Variants in POLA1 observed in about 807,000 individuals in gnomAD.
The protein encoded by POLA1 is DNA polymerase alpha 1, catalytic subunit.
A neutral mutation model predicts 124.0 loss-of-function variants in POLA1; 15 were observed. The ratio of observed to expected loss-of-function variants is 0.12; its 90% CI spans 0.08 to 0.19. POLA1 has a LOEUF of 0.19. Among genes scored for constraint, POLA1 ranks in the 10% least tolerant of loss-of-function variants. The pLI, the probability that POLA1 is intolerant of heterozygous loss-of-function variation, is 1.00. For missense variants in POLA1, 886 were observed against 1,103.4 expected (o/e 0.80, Z 2.79); for synonymous variants, 408 against 389.4 (o/e 1.05, Z -0.56).
intron 26 of POLA1, among the ~76,000 whole-genome samples, chrX:24,797,406 A>G (rs1295404232): frequency 2.7e-5 from 3 of 110,689 alleles, no homozygotes; most frequent in Non-Finnish European, 3.8e-5. Flanking sequence ...GTTATTCCCT[A>G]TACTCACCTT....
chrX:24,878,067 A>T (rs775190392), intron 34 of POLA1, among the ~76,000 whole-genome samples: 1 of 110,869 alleles, frequency 9.0e-6, no homozygotes, highest in East Asian at 2.8e-4. Flanking sequence ...ACTCAGCCAG[A>T]TCTCTTGTCT....
intron 32 of POLA1, among the ~76,000 whole-genome samples, chrX:24,830,491 T>C (rs2046246188): frequency 8.9e-6 from 1 of 112,500 alleles, no homozygotes; most frequent in Non-Finnish European, 1.9e-5. Flanking sequence ...GTATCATTTT[T>C]CTGAAACCCA....
intron 23 of POLA1, among the ~76,000 whole-genome samples, chrX:24,744,171 AAGTT>A (rs753134729): frequency 2.7e-5 from 3 of 112,839 alleles, no homozygotes; most frequent in African/African-American, 3.2e-5. Context: ...TTTATCTAAT[AAGTT>A]AGTTCTGAGT....
chrX:24,770,526 G>A (rs1489413679), intron 26 of POLA1, among the ~76,000 whole-genome samples: 1 of 111,558 alleles, frequency 9.0e-6, no homozygotes, highest in African/African-American at 3.3e-5. Context: ...ACAAACTTGG[G>A]GGCTTTTCTT....
intron 34 of POLA1, among the ~76,000 whole-genome samples, chrX:24,865,210 G>A (rs768586116): frequency 8.9e-6 from 1 of 112,276 alleles, no homozygotes; most frequent in Non-Finnish European, 1.9e-5. Context: ...TAGGTGTTCA[G>A]TAAATGATTA....
chrX:24,761,800 G>T (rs1318121980), intron 26 of POLA1, among the ~76,000 whole-genome samples: 1 of 112,271 alleles, frequency 8.9e-6, no homozygotes, highest in Non-Finnish European at 1.9e-5. Context: ...GATATTTGCT[G>T]AGTGTGTACA....
intron 35 of POLA1, among the ~76,000 whole-genome samples, chrX:24,893,146 T>C (rs571217211): frequency 4.5e-5 from 5 of 111,680 alleles, no homozygotes; most frequent in African/African-American, 1.6e-4. Context: ...GAAGAAAACA[T>C]GAAAATAATT....
intron 35 of POLA1, among the ~76,000 whole-genome samples, chrX:24,922,737 G>A (rs1284862254): frequency 9.0e-6 from 1 of 111,352 alleles, no homozygotes; most frequent in African/African-American, 3.3e-5. Flanking sequence ...TTGTGATGTG[G>A]TACTATTAAT....
Position 24,812,772 on chromosome X carries a change from A to G in POLA1, c.3205A>G (p.Thr1069Ala). Residue 1069 changes from threonine to alanine, a missense_variant, in exon 29 of 37, where the codon ACG becomes GCG. Physicochemically the swap from Thr to Ala is moderately conservative, Grantham distance 58. Coordinates refer to ENST00000379068, the MANE Select transcript of POLA1 (RefSeq NM_001330360.2). The stretch of plus-strand genomic sequence containing the variant: ...GTACGCTGCTCTGGTTGTTGAGCCA[A>G]CGTCGGATGGGAATTATGTCACCAA... ...KKYAALVVEP[T>A]SDGNYVTKQE... is the part of the protein sequence containing the mutation. The G allele has an allele frequency of 8.3e-7, 1 of 1,204,572 alleles. No individual in the cohort carries two copies. The highest frequency in any genetic ancestry group is 1.1e-6 in the Non-Finnish European group (1 of 888,982).
rs11573440 is a variant in POLA1, at chrX:24,846,875, G to A, written c.4047+3198G>A. ...GTTCTAATTCATTCCTCAATTGGGC[G>A]GTGCAGGTTTTATCTTTGATCTGAC... On this transcript the variant is annotated intron_variant, in intron 34 of 36. Transcript: ENST00000379068. Among the ~76,000 whole-genome samples, 3 of 112,100 alleles carry A rather than the reference G, an allele frequency of 2.7e-5. No individual in the cohort carries two copies. In the Admixed American group the frequency reaches 2.8e-4, roughly 11 times the overall value.
Position 24,826,522 on chromosome X carries a change from C to G in POLA1, c.3657C>G (p.Ala1219=). Residue 1219 remains alanine (A), a synonymous_variant, in exon 32 of 37, where the codon GCC becomes GCG. Transcript: ENST00000379068. ...NLTIDTQYYL[A]QQIHPVVARI... ...CCATTGACACCCAGTACTACCTGGC[C>G]CAGCAGATCCACCCAGTCGTGGCTC... is the stretch of plus-strand genomic sequence containing the variant. 1 of 1,205,085 alleles carries G rather than the reference C, an allele frequency of 8.3e-7. No homozygotes were observed. Among genetic ancestry groups the G allele is most frequent in the East Asian group, 3.0e-5 (1 of 33,714 alleles).
intron 35 of POLA1, among the ~76,000 whole-genome samples, chrX:24,924,684 C>T (rs1479811608): frequency 9.0e-6 from 1 of 111,687 alleles, no homozygotes; most frequent in Non-Finnish European, 1.9e-5. Flanking sequence ...GAGGCACAAA[C>T]GGCTTCCCGA....
intron 36 of POLA1, among the ~76,000 whole-genome samples, chrX:24,976,865 A>G (rs895814646): frequency 5.4e-5 from 6 of 111,939 alleles, no homozygotes; most frequent in African/African-American, 1.6e-4. Flanking sequence ...ATCTCCCAGT[A>G]ATCTCCTACA....
At chrX:24,768,686 T>G (rs2148434869) in intron 26 of POLA1, among the ~76,000 whole-genome samples, 1 of 112,086 alleles carries the variant, frequency 8.9e-6, no homozygotes, top group Admixed American at 9.5e-5. Context: ...TCCAATTATG[T>G]TAAGCCTTGA....
At chrX:24,722,403 G>A (rs1326489101) in intron 10 of POLA1, among the ~76,000 whole-genome samples, 1 of 112,014 alleles carries the variant, frequency 8.9e-6, no homozygotes, top group Non-Finnish European at 1.9e-5. Flanking sequence ...AGAATAGAAA[G>A]GAACATTATA....
chrX:24,995,056 CAAA>C (rs774960816), intron 36 of POLA1, among the ~76,000 whole-genome samples: 2 of 76,697 alleles, frequency 2.6e-5, no homozygotes. Context: ...ACCTCTGTCT[CAAA>C]AAAAAAAAAA....
intron 33 of POLA1, chrX:24,842,066 G>T (rs2046417968): frequency 3.4e-6 from 1 of 290,274 alleles, no homozygotes; most frequent in Non-Finnish European, 5.9e-6. Flanking sequence ...GCTTGACCTT[G>T]GTTTTTAAGT....
intron 35 of POLA1, among the ~76,000 whole-genome samples, chrX:24,895,175 G>A (rs188780239): frequency 8.9e-6 from 1 of 112,181 alleles, no homozygotes; most frequent in African/African-American, 3.2e-5. Context: ...GGTAGGAATT[G>A]CACTGAGCTA....
At chrX:24,824,286 GTTA>G (rs746050050) in intron 31 of POLA1, among the ~76,000 whole-genome samples, 4 of 109,886 alleles carry the variant, frequency 3.6e-5, no homozygotes, top group African/African-American at 9.9e-5. Flanking sequence ...ATCTTTGAAG[GTTA>G]TTATTATTTT....
Sources: gnomAD v4.1 joint callset for allele counts (sites outside exome capture counted in the v4.1 genomes callset) on GRCh38, gnomAD v4.1.1 for gene constraint, MANE v1.5 for transcripts, NCBI Gene and HGNC (gene_info 2026-07-23, HGNC 2026-07-21) for gene names.